Variants in NAA38 observed in about 807,000 individuals in gnomAD.
NAA38 encodes N-alpha-acetyltransferase 38, NatC auxiliary subunit, also known as LSM domain containing 1.
Under a neutral mutation model 12.6 loss-of-function variants are expected in NAA38, and 15 were observed. The ratio of observed to expected loss-of-function variants is 1.19; its 90% CI spans 0.79 to 1.83. The LOEUF (loss-of-function observed/expected upper bound fraction) is 1.83, where lower values mean the gene tolerates loss of function less well. NAA38 is among the 40% of genes most tolerant of loss of function. The pLI is 0.00. For synonymous variants in NAA38, 88 were observed against 69.9 expected, an observed-to-expected ratio of 1.26 and a Z score of -1.29; for missense variants, 183 against 171.7, an observed-to-expected ratio of 1.07 and a Z score of -0.37.
chr17:7,864,680 T>G (rs1042149174), intron 3 of NAA38: 1 of 152,130 alleles, frequency 6.6e-6, no homozygotes, highest in Non-Finnish European at 1.5e-5. Flanking sequence ...GAAGGATCAC[T>G]TGAGGCCAGG....
intron 2 of NAA38, among the ~76,000 whole-genome samples, chr17:7,869,314 C>A (rs1209092302): frequency 2.6e-5 from 4 of 152,134 alleles, no homozygotes; most frequent in Non-Finnish European, 5.9e-5. Flanking sequence ...CCAGGTGCTA[C>A]CTTTCTGACA....
At chr17:7,857,960 C>T, upstream of NAA38, 3 of 1,462,760 alleles carry the variant, frequency 2.1e-6, no homozygotes. Flanking sequence ...GTCCAAACCC[C>T]GCCCCTGATA....
intron 3 of NAA38, chr17:7,864,789 T>G (rs1966934493): frequency 6.6e-6 from 1 of 151,548 alleles, no homozygotes; most frequent in Non-Finnish European, 1.5e-5. Context: ...TCTCAGCTAC[T>G]CGGGAGGCTG....
chr17:7,860,017 T>C (rs1035404556), upstream of NAA38: 3 of 214,234 alleles, frequency 1.4e-5, no homozygotes, highest in Non-Finnish European at 2.8e-5. Context: ...ATGTTTATCA[T>C]TGACCATACA....
upstream of NAA38, chr17:7,858,698 G>A: frequency 6.2e-7 from 1 of 1,611,206 alleles, no homozygotes; most frequent in Non-Finnish European, 8.5e-7. Context: ...TGCCCTGTTC[G>A]GACTGGGCCA....
chr17:7,866,566 GC>G (rs1192180835), intron 2 of NAA38: 4 of 1,190,728 alleles, frequency 3.4e-6, no homozygotes, highest in Non-Finnish European at 4.2e-6. Flanking sequence ...TTTCTGAAAT[GC>G]CCCCCAAGCT....
intron 2 of NAA38, among the ~76,000 whole-genome samples, chr17:7,881,895 A>G (rs1597885114): frequency 6.6e-6 from 1 of 151,268 alleles, no homozygotes; most frequent in Admixed American, 6.6e-5. Flanking sequence ...CAGACAGACA[A>G]CCAGAGAGGA....
rs151281476 is a variant in NAA38 at position 7,881,062 on chromosome 17, C to T, written c.-66+2173G>A. ...AAGTAGGGAGGAGTACAGCAAAACA[C>T]AAGCAAAAGCAAGCAAGCAAAAAGA... On this transcript the variant is annotated intron_variant, in intron 2 of 4. Transcript: ENST00000576861. 4.6e-5 allele frequency among the ~76,000 whole-genome samples: 7 copies of T among 152,236 alleles called. No homozygotes were observed. The East Asian group carries it at 1.3e-3, about 29-fold the overall frequency.
intron 2 of NAA38, among the ~76,000 whole-genome samples, chr17:7,878,031 CTATAT>C (rs200196467): frequency 0.022 from 3,333 of 151,992 alleles, 57 homozygotes; most frequent in Middle Eastern, 0.086. Flanking sequence ...AAATATGTAC[CTATAT>C]TATTAGTAGC....
intron 1 of NAA38, chr17:7,885,102 T>TC (rs994749718): frequency 8.0e-5 from 76 of 953,350 alleles, no homozygotes; most frequent in Middle Eastern, 5.5e-4. Context: ...CCGCCCCGAC[T>TC]CCCCCCCCAA....
intron 3 of NAA38, chr17:7,864,072 T>G (rs1278849883): frequency 6.6e-6 from 1 of 152,210 alleles, no homozygotes; most frequent in East Asian, 1.9e-4. Context: ...GGTTAATGCA[T>G]CCAGCACCAC....
Position 7,885,200 on chromosome 17 carries a change from T to G in NAA38, c.-202A>C, listed in dbSNP as rs1459107126. Reference sequence around the variant, plus strand: ...AGCCGAGGCGAATCCGGAGCGCGAATCCGGGGCTCGGGCCCGTGGCCCCGC... The same window carrying G: ...AGCCGAGGCGAATCCGGAGCGCGAAGCCGGGGCTCGGGCCCGTGGCCCCGC... On this transcript the variant is annotated 5_prime_UTR_variant, in exon 1 of 5. Coordinates refer to the NAA38 transcript ENST00000576861. 4 of 941,704 alleles carry G rather than the reference T, an allele frequency of 4.2e-6. No individual in the cohort carries two copies. In the African/African-American group the frequency reaches 7.3e-5, roughly 17 times the overall value. The allele number at this position is 941,704 out of a possible 1,614,324, so 58.3% of individuals were successfully genotyped here.
At chr17:7,882,540 G>C (rs1020420974) in intron 2 of NAA38, among the ~76,000 whole-genome samples, 2 of 152,096 alleles carry the variant, frequency 1.3e-5, no homozygotes, top group African/African-American at 4.8e-5. Flanking sequence ...TATAGAAAGG[G>C]GGGGATAACC....
At chr17:7,873,552 T>A (rs1967123449) in intron 2 of NAA38, among the ~76,000 whole-genome samples, 1 of 152,086 alleles carries the variant, frequency 6.6e-6, no homozygotes, top group South Asian at 2.1e-4. Context: ...AGTATTTCTT[T>A]CAAAGATAAG....
intron 3 of NAA38, chr17:7,863,304 C>A (rs1966905032): frequency 6.6e-6 from 1 of 151,992 alleles, no homozygotes; most frequent in Non-Finnish European, 1.5e-5. Flanking sequence ...GTGTAGGGTC[C>A]AAGTCCTCTT....
chr17:7,869,066 T>A (rs1352997013), intron 2 of NAA38, among the ~76,000 whole-genome samples: 3 of 152,232 alleles, frequency 2.0e-5, no homozygotes, highest in Non-Finnish European at 4.4e-5. Flanking sequence ...CTTGCAGTCA[T>A]CTTAAGTGAA....
chr17:7,857,788 T>C (rs949390888), upstream of NAA38: 5 of 1,292,940 alleles, frequency 3.9e-6, no homozygotes, highest in Non-Finnish European at 4.9e-6. Context: ...CTCAGAGAGA[T>C]AGTCTGTCCT....
chr17:7,857,374 C>T lies in NAA38; in HGVS notation c.81+9G>A, dbSNP rs2078833673. 1.7e-5 allele frequency: 28 copies of T among 1,612,260 alleles called. No individual in the cohort carries two copies. Among genetic ancestry groups the T allele is most frequent in the Non-Finnish European group, 2.2e-5 (26 of 1,179,500 alleles). On this transcript the variant is annotated intron_variant, in intron 1 of 2. Coordinates refer to ENST00000575771, the MANE Select transcript of NAA38 (RefSeq NM_001320925.4). ...GCCCCTCAGTCCCAGAACCAGAGCC[C>T]GTGCTAACCCCAGCACTGGAGCTGC...
At chr17:7,859,585 C>T (rs944376227), upstream of NAA38, 1 of 1,614,128 alleles carries the variant, frequency 6.2e-7, no homozygotes, top group African/African-American at 1.3e-5. Flanking sequence ...TACTTCTGTA[C>T]TTCAATGATG....
Sources: allele counts gnomAD v4.1 joint callset (sites outside exome capture counted in the v4.1 genomes callset), GRCh38; gene constraint gnomAD v4.1.1; transcripts MANE v1.5; gene names NCBI Gene and HGNC (gene_info 2026-07-23, HGNC 2026-07-21).